PVALEF: variants seen among roughly 807,000 people sequenced by gnomAD.
PVALEF encodes parvalbumin-like EF-hand-containing protein.
PVALEF carries 2 observed loss-of-function variants against 1.2 expected under a neutral mutation model. That is an observed-to-expected ratio of 1.68 (90% CI 0.69 to 5.28). The LOEUF is 5.28. Ranked by LOEUF, PVALEF falls within the 30% of genes most tolerant of loss-of-function variation. The pLI is 0.06. For synonymous variants in PVALEF, 16 were observed against 6.5 expected (o/e 2.47, Z -2.24); for missense variants, 35 against 17.7 (o/e 1.97, Z -1.75).
At chr17:81,182,456 G>A (rs1370133113) in intron 6 of PVALEF, among the ~76,000 whole-genome samples, 1 of 152,320 alleles carries the variant, frequency 6.6e-6, no homozygotes, top group South Asian at 2.1e-4. Flanking sequence ...GGCACACAAG[G>A]TGGGCTGGGC....
chr17:81,179,010 A>G lies in PVALEF; in HGVS notation c.-247A>G. ...CGAGCCCCTGGGAGCTGCCCGTGCC[A>G]GGCTGGAGTGCCGGGGAGGGGCGAG... On this transcript the variant is annotated 5_prime_UTR_variant, in exon 3 of 7. Transcript: ENST00000637878. The G allele has an allele frequency of 2.2e-6, 1 of 447,014 alleles. No homozygotes were observed. Among genetic ancestry groups the G allele is most frequent in the South Asian group, 1.6e-5 (1 of 63,136 alleles). The allele number at this position is 447,014 out of a possible 1,614,324, so 27.7% of individuals were successfully genotyped here.
At chr17:81,167,996 G>C (rs2061505151) in intron 2 of PVALEF, among the ~76,000 whole-genome samples, 1 of 152,204 alleles carries the variant, frequency 6.6e-6, no homozygotes, top group Admixed American at 6.5e-5. Flanking sequence ...GCTCCAGTGT[G>C]AGGGACAGAG....
At chr17:81,170,149 T>C (rs944773853) in intron 2 of PVALEF, among the ~76,000 whole-genome samples, 7 of 150,550 alleles carry the variant, frequency 4.6e-5, no homozygotes, top group African/African-American at 1.7e-4. Context: ...TGGATGTGTG[T>C]GCATATGTGG....
intron 2 of PVALEF, 89 bp downstream of exon 2, chr17:81,166,933 C>A: frequency 6.1e-6 from 2 of 329,222 alleles, no homozygotes; most frequent in Non-Finnish European, 6.1e-6. Context: ...GCCCAAAGTG[C>A]CACCTTGCAG....
chr17:81,165,658 G>C lies in PVALEF; in HGVS notation c.-597G>C. ...ACTCTCCTGGACACCAGGGGCCCACGCAGGCCCTCCGTGCCCCAGTTACCT... is the reference window on the plus strand; with the variant it reads ...ACTCTCCTGGACACCAGGGGCCCACCCAGGCCCTCCGTGCCCCAGTTACCT... On this transcript the variant is annotated 5_prime_UTR_variant, in exon 1 of 7. Coordinates refer to ENST00000637878, the MANE Select transcript of PVALEF (RefSeq NM_001354639.2). The C allele has an allele frequency of 6.7e-7, 1 of 1,494,384 alleles. No individual in the cohort carries two copies. The highest frequency in any genetic ancestry group is 1.2e-5 in the South Asian group (1 of 82,822). 92.6% of individuals were successfully genotyped at this position (1,494,384 alleles called of 1,614,324 possible).
Position 81,180,787 on chromosome 17 carries a change from C to T in PVALEF, c.-104-336C>T, listed in dbSNP as rs145210198. On this transcript the variant is annotated intron_variant, in intron 3 of 6. Transcript: ENST00000637878. ...GCCACTGCTCAGCCCCACTCGAGAA[C>T]ACAGGCCGCCCCTCCTGGCAGCAAG... 5.2e-4 allele frequency among the ~76,000 whole-genome samples: 79 copies of T among 152,298 alleles called. 1 individual carries two copies. In the East Asian group the frequency reaches 0.014, roughly 26 times the overall value.
intron 2 of PVALEF, among the ~76,000 whole-genome samples, chr17:81,169,838 G>C (rs1049363195): frequency 7.0e-6 from 1 of 142,164 alleles, no homozygotes; most frequent in African/African-American, 2.6e-5. Flanking sequence ...GTCTGTCTTG[G>C]TAGGTATATG....
chr17:81,177,184 C>T (rs2061538476), intron 2 of PVALEF, among the ~76,000 whole-genome samples: 1 of 147,336 alleles, frequency 6.8e-6, no homozygotes, highest in Non-Finnish European at 1.5e-5. Flanking sequence ...GCCTCGGCCT[C>T]CCAAAGTGCT....
At chr17:81,170,134 TG>T (rs1273044977) in intron 2 of PVALEF, among the ~76,000 whole-genome samples, 1 of 149,590 alleles carries the variant, frequency 6.7e-6, no homozygotes, top group African/African-American at 2.5e-5. Flanking sequence ...ATGTGTGTGT[TG>T]GTGTGGATGT....
intron 2 of PVALEF, among the ~76,000 whole-genome samples, chr17:81,171,874 C>A (rs941797473): frequency 3.3e-5 from 5 of 152,124 alleles, no homozygotes; most frequent in Non-Finnish European, 5.9e-5. Context: ...CATTTGTATT[C>A]ACAACATTGC....
intron 3 of PVALEF, among the ~76,000 whole-genome samples, chr17:81,180,694 G>A (rs937873014): frequency 1.3e-5 from 2 of 151,924 alleles, no homozygotes; most frequent in African/African-American, 2.4e-5. Context: ...CACCTCTGGG[G>A]CGCCAGGGTT....
At chr17:81,173,475 G>A (rs1038515906) in intron 2 of PVALEF, among the ~76,000 whole-genome samples, 4 of 152,158 alleles carry the variant, frequency 2.6e-5, no homozygotes, top group African/African-American at 9.7e-5. Context: ...ACACACAGAT[G>A]CCCCGAGAGA....
chr17:81,169,752 A>C (rs570845487), intron 2 of PVALEF, among the ~76,000 whole-genome samples: 59 of 146,740 alleles, frequency 4.0e-4, no homozygotes, highest in Admixed American at 6.7e-4. Flanking sequence ...GTACGTGTCT[A>C]TGTGTGTGTA....
At chr17:81,173,348 C>T (rs957428972) in intron 2 of PVALEF, among the ~76,000 whole-genome samples, 1 of 152,182 alleles carries the variant, frequency 6.6e-6, no homozygotes, top group Non-Finnish European at 1.5e-5. Context: ...TCTCAAACAC[C>T]CTGGCCAACC....
intron 1 of PVALEF, chr17:81,166,018 C>A (rs1173917979): frequency 5.2e-6 from 8 of 1,533,114 alleles, no homozygotes; most frequent in Non-Finnish European, 7.0e-6. Context: ...CGGCGGGCAT[C>A]CCGGGAGGGC....
intron 2 of PVALEF, among the ~76,000 whole-genome samples, chr17:81,170,616 G>A (rs928146049): frequency 1.4e-4 from 22 of 152,118 alleles, no homozygotes; most frequent in African/African-American, 4.1e-4. Context: ...TCAGGACAAG[G>A]TCAGCACCTT....
At chr17:81,177,217 G>A (rs566255019) in intron 2 of PVALEF, among the ~76,000 whole-genome samples, 4 of 115,974 alleles carry the variant, frequency 3.4e-5, no homozygotes, top group South Asian at 3.3e-4. Flanking sequence ...ATGAGCCACC[G>A]CACCAGGCTT....
chr17:81,171,599 C>G (rs1422151130), intron 2 of PVALEF, among the ~76,000 whole-genome samples: 1 of 152,164 alleles, frequency 6.6e-6, no homozygotes, highest in African/African-American at 2.4e-5. Flanking sequence ...TAACGCCATT[C>G]TCCTGCCTCA....
At chr17:81,181,750 T>C (rs1018153650) in intron 5 of PVALEF, 56 bp downstream of exon 5, 3 of 398,840 alleles carry the variant, frequency 7.5e-6, no homozygotes, top group East Asian at 3.6e-5. Context: ...CCACGCCGAA[T>C]GCCCACATGG....
Sources: allele counts gnomAD v4.1 joint callset (sites outside exome capture counted in the v4.1 genomes callset), GRCh38; gene constraint gnomAD v4.1.1; transcripts MANE v1.5; gene names NCBI Gene and HGNC (gene_info 2026-07-23, HGNC 2026-07-21).